The following PRKG1 variants were observed in gnomAD, a reference collection of about 807,000 sequenced individuals.
PRKG1 encodes the protein protein kinase cGMP-dependent 1.
Under a neutral mutation model 88.1 loss-of-function variants are expected in PRKG1, and 35 were observed. The ratio of observed to expected loss-of-function variants is 0.40; its 90% CI spans 0.30 to 0.53. PRKG1 has a LOEUF of 0.53. Ranked by LOEUF, PRKG1 falls within the 20% of genes least tolerant of loss-of-function variation. The probability of loss-of-function intolerance (pLI) is 0.59; values close to 1 mark genes in which losing one functional copy is unlikely to be tolerated. For synonymous variants in PRKG1, 303 were observed against 292.5 expected, an observed-to-expected ratio of 1.04 and a Z score of -0.37; for missense variants, 540 against 839.8, an observed-to-expected ratio of 0.64 and a Z score of 4.41.
At chr10:51,726,710 A>G (rs1842139902) in intron 3 of PRKG1, among the ~76,000 whole-genome samples, 1 of 152,212 alleles carries the variant, frequency 6.6e-6, no homozygotes, top group African/African-American at 2.4e-5. Context: ...CTGGGTATAT[A>G]TACTTGCAAA....
intron 2 of PRKG1, among the ~76,000 whole-genome samples, chr10:51,344,666 CT>C (rs902641757): frequency 5.3e-5 from 8 of 150,640 alleles, no homozygotes; most frequent in South Asian, 2.1e-4. Flanking sequence ...ACAAGATGTC[CT>C]TTTTTTTTCA....
At chr10:51,401,101 T>C (rs1480487136) in intron 2 of PRKG1, among the ~76,000 whole-genome samples, 3 of 152,228 alleles carry the variant, frequency 2.0e-5, no homozygotes, top group Non-Finnish European at 4.4e-5. Context: ...ACCTACACTA[T>C]AAAATTTTTT....
chr10:52,278,929 T>C (rs553279570), intron 12 of PRKG1, among the ~76,000 whole-genome samples: 3 of 151,494 alleles, frequency 2.0e-5, no homozygotes, highest in South Asian at 2.1e-4. Flanking sequence ...GAACAAGATA[T>C]ATAGTTTGAA....
intron 3 of PRKG1, among the ~76,000 whole-genome samples, chr10:51,792,377 G>C (rs1838890835): frequency 6.6e-6 from 1 of 152,070 alleles, no homozygotes; most frequent in Non-Finnish European, 1.5e-5. Context: ...CCTCATGCCA[G>C]GGTTGTTTTA....
chr10:51,823,866 CTTTTTTT>C (rs5784887), intron 4 of PRKG1, among the ~76,000 whole-genome samples: 2 of 78,734 alleles, frequency 2.5e-5, no homozygotes, highest in African/African-American at 5.1e-5. Flanking sequence ...TTTCTCTCTC[CTTTTTTT>C]TTTTTTTTTT....
At chr10:52,103,701 C>T (rs1490071101) in intron 7 of PRKG1, among the ~76,000 whole-genome samples, 1 of 151,864 alleles carries the variant, frequency 6.6e-6, no homozygotes, top group African/African-American at 2.4e-5. Context: ...GATTGGCACT[C>T]CAACCCCTGT....
At chr10:52,014,155 G>T (rs868497647) in intron 5 of PRKG1, among the ~76,000 whole-genome samples, 2 of 152,122 alleles carry the variant, frequency 1.3e-5, no homozygotes, top group African/African-American at 4.8e-5. Flanking sequence ...AGATTATTGT[G>T]TTAGTCTACT....
chr10:52,009,489 G>T (rs1410299762), intron 5 of PRKG1, among the ~76,000 whole-genome samples: 2 of 151,892 alleles, frequency 1.3e-5, no homozygotes, highest in African/African-American at 4.8e-5. Context: ...TCTCTACAAT[G>T]GTAATTACAA....
intron 4 of PRKG1, among the ~76,000 whole-genome samples, chr10:51,831,972 A>G (rs191799816): frequency 0.011 from 1,610 of 152,282 alleles, 22 homozygotes; most frequent in Middle Eastern, 0.031. Context: ...TATATATTAC[A>G]TATACTTGTA....
In PRKG1 at chr10:51,858,306, ATATATGTATAATATG is replaced by A. The variant is rs1564678617; in HGVS notation, c.699-49197_699-49183del. ...GTATAATTATACATATGTATAATATATATATGTATAATATGTATTATATATAATATATATATTATA... is the reference window on the plus strand; with the variant it reads ...GTATAATTATACATATGTATAATATATATTATATATAATATATATATTATA... On this transcript the variant is annotated intron_variant, in intron 4 of 17. Transcript: ENST00000373980. 1.2e-3 allele frequency among the ~76,000 whole-genome samples: 21 copies of A among 17,012 alleles called. 7 individuals are homozygous for A. Among genetic ancestry groups the A allele is most frequent in the African/African-American group, 3.6e-3 (16 of 4,386 alleles). The allele number at this position is 17,012 out of a possible 152,430, so 11.2% of individuals were successfully genotyped here. A position where few individuals can be genotyped will look rare whatever the true frequency, so the allele number is the denominator to read the frequency against.
intron 5 of PRKG1, among the ~76,000 whole-genome samples, chr10:51,932,200 T>G (rs1016495838): frequency 2.6e-5 from 4 of 151,276 alleles, no homozygotes; most frequent in African/African-American, 7.3e-5. Context: ...GTTTGGTGTT[T>G]TTTTTTTTTT....
intron 4 of PRKG1, among the ~76,000 whole-genome samples, chr10:51,878,735 C>G (rs184840054): frequency 6.6e-6 from 1 of 152,150 alleles, no homozygotes; most frequent in East Asian, 1.9e-4. Flanking sequence ...AAGCCATTTT[C>G]CTTTCTTCCC....
Position 51,138,144 on chromosome 10 carries a change from A to G in PRKG1, c.312-15020A>G, listed in dbSNP as rs1227488535. Among the ~76,000 whole-genome samples the G allele has an allele frequency of 3.9e-5, 6 of 152,218 alleles. 1 individual carries two copies. The South Asian group carries it at 1.0e-3, about 26-fold the overall frequency. ...TCATTTTTAGTGGTTAAAATTATCT[A>G]TGAACATAAGGAATAAATAATAAAC... is the stretch of plus-strand genomic sequence containing the variant. On this transcript the variant is annotated intron_variant, in intron 1 of 17. Transcript: ENST00000373980.
intron 5 of PRKG1, among the ~76,000 whole-genome samples, chr10:51,911,991 T>C (rs753904883): frequency 6.6e-6 from 1 of 152,166 alleles, no homozygotes; most frequent in Non-Finnish European, 1.5e-5. Flanking sequence ...CGCTCTCTCA[T>C]AGCATGTGTT....
At chr10:51,086,541 A>G (rs999078455) in intron 1 of PRKG1, among the ~76,000 whole-genome samples, 1 of 152,180 alleles carries the variant, frequency 6.6e-6, no homozygotes, top group African/African-American at 2.4e-5. Context: ...AAAAATTCTG[A>G]TATTTGAAGA....
At chr10:52,244,685 TA>T (rs1303766077) in intron 9 of PRKG1, among the ~76,000 whole-genome samples, 1 of 143,896 alleles carries the variant, frequency 6.9e-6, no homozygotes, top group African/African-American at 2.5e-5. Context: ...TATTATATAT[TA>T]AATAATATAT....
intron 3 of PRKG1, among the ~76,000 whole-genome samples, chr10:51,542,174 T>C (rs946077681): frequency 6.6e-6 from 1 of 152,036 alleles, no homozygotes; most frequent in African/African-American, 2.4e-5. Context: ...TAAGCCATTA[T>C]ATGAATTACC....
chr10:51,267,955 C>T (rs764266616), intron 2 of PRKG1, among the ~76,000 whole-genome samples: 22 of 152,094 alleles, frequency 1.4e-4, no homozygotes, highest in Admixed American at 8.5e-4. Flanking sequence ...CAAAATTCAC[C>T]CCCAATATTT....
chr10:51,538,021 C>A (rs1374497903), intron 3 of PRKG1, among the ~76,000 whole-genome samples: 1 of 152,108 alleles, frequency 6.6e-6, no homozygotes, highest in East Asian at 1.9e-4. Context: ...AACTCAATAT[C>A]AGACAGGTTA....
Sources: allele counts gnomAD v4.1 joint callset (sites outside exome capture counted in the v4.1 genomes callset), GRCh38; gene constraint gnomAD v4.1.1; transcripts MANE v1.5; gene names NCBI Gene and HGNC (gene_info 2026-07-23, HGNC 2026-07-21).